The following HABP2 variants were observed in gnomAD, a reference collection of about 807,000 sequenced individuals.
HABP2 encodes the protein factor VII-activating protease.
A neutral mutation model predicts 66.5 loss-of-function variants in HABP2; 65 were observed. That is an observed-to-expected ratio of 0.98 (90% CI 0.80 to 1.20). HABP2 has a LOEUF of 1.20. HABP2 is among the 50% of genes most tolerant of loss of function. The pLI is 0.00. For missense variants in HABP2, 786 were observed against 691.0 expected (o/e 1.14, Z -1.54); for synonymous variants, 263 against 253.9 (o/e 1.04, Z -0.34).
chr10:113,568,499 A>G (rs1845241660), intron 2 of HABP2, among the ~76,000 whole-genome samples: 2 of 152,244 alleles, frequency 1.3e-5, no homozygotes, highest in South Asian at 2.1e-4. Flanking sequence ...CCAGGTGCTC[A>G]GAGGATATTT....
At chr10:113,586,477 G>GC (rs1564682175) in intron 12 of HABP2, among the ~76,000 whole-genome samples, 1 of 78,756 alleles carries the variant, frequency 1.3e-5, no homozygotes, top group East Asian at 4.1e-4. Context: ...TGTGTGTGTG[G>GC]GGGGGGGGGG....
intron 2 of HABP2, among the ~76,000 whole-genome samples, chr10:113,571,037 C>T (rs1367506684): frequency 6.6e-6 from 1 of 152,208 alleles, no homozygotes; most frequent in Non-Finnish European, 1.5e-5. Flanking sequence ...ATTCTTATCC[C>T]ATTAGCAATC....
chr10:113,565,371 G>A (rs1162742832), intron 1 of HABP2, among the ~76,000 whole-genome samples: 1 of 152,144 alleles, frequency 6.6e-6, no homozygotes, highest in Non-Finnish European at 1.5e-5. Context: ...CTGAGGACTG[G>A]AAAGTCCAGG....
chr10:113,574,834 C>T (rs1293206653), intron 3 of HABP2, among the ~76,000 whole-genome samples: 1 of 152,206 alleles, frequency 6.6e-6, no homozygotes, highest in African/African-American at 2.4e-5. Context: ...AGCTTTGGGA[C>T]TTTCCTTCCC....
Position 113,589,560 on chromosome 10 carries a change from A to T in HABP2, c.*1191A>T. 7.3e-7 allele frequency: 1 copy of T among 1,363,844 alleles called. No individual in the cohort carries two copies. Among genetic ancestry groups the T allele is most frequent in the Non-Finnish European group, 1.0e-6 (1 of 998,834 alleles). The allele number at this position is 1,363,844 out of a possible 1,614,324, so 84.5% of individuals were successfully genotyped here. A position where few individuals can be genotyped will look rare whatever the true frequency, so the allele number is the denominator to read the frequency against. On this transcript the variant is annotated 3_prime_UTR_variant, in exon 13 of 13. Transcript: ENST00000351270. ...TTTGAGCTGCGTTTCACACTTCTTT[A>T]GAGCTAGCTGACCTTTGGCCAAAAA...
chr10:113,583,217 A>G lies in HABP2; in HGVS notation c.1096A>G (p.Ile366Val), dbSNP rs769323267. The G allele has an allele frequency of 1.2e-6, 2 of 1,613,862 alleles. No individual in the cohort carries two copies. The highest frequency in any genetic ancestry group is 2.2e-5 in the South Asian group (2 of 91,000). ...TGACCATCTCATTTTCCCTTGCAGC[A>G]TAAAAACCAGACATCTAAAGGTGGT... ...WVLTAAHCTDIKTRHLKVVLG... is the reference protein window; with the variant it reads ...WVLTAAHCTDVKTRHLKVVLG... Residue 366 changes from isoleucine to valine, a missense_variant and splice_region_variant, in exon 10 of 13, where the codon ATA becomes GTA. By Grantham distance (29) the Ile-to-Val change is conservative (BLOSUM62 3). Transcript: ENST00000351270.
chr10:113,575,325 A>G (rs886412401), intron 3 of HABP2, among the ~76,000 whole-genome samples: 3 of 152,244 alleles, frequency 2.0e-5, no homozygotes, highest in African/African-American at 7.2e-5. Context: ...GAAATATGAC[A>G]AAATCTAACT....
chr10:113,570,064 C>A (rs1187908424), intron 2 of HABP2: 1 of 152,254 alleles, frequency 6.6e-6, no homozygotes, highest in Non-Finnish European at 1.5e-5. Flanking sequence ...ATGCATGCTA[C>A]TTCCTGAAAG....
chr10:113,554,567 C>G (rs1844956754), intron 1 of HABP2, among the ~76,000 whole-genome samples: 1 of 152,090 alleles, frequency 6.6e-6, no homozygotes, highest in Non-Finnish European at 1.5e-5. Flanking sequence ...TTGTCAAGCC[C>G]CTACATCATT....
At position 113,588,972 on chromosome 10, in the gene HABP2, G is replaced by A. The variant is rs1845751741; in HGVS notation, c.*603G>A. On this transcript the variant is annotated 3_prime_UTR_variant, in exon 13 of 13. Coordinates refer to ENST00000351270, the MANE Select transcript of HABP2 (RefSeq NM_004132.5). ...GCCTCTCAGGAATCAGGGTGGACAT[G>A]GCTCACAACAGCAGGGCCTTCTTCT... 6.2e-7 allele frequency: 1 copy of A among 1,610,496 alleles called. No individual in the cohort carries two copies.
At chr10:113,556,318 A>G (rs1296406792) in intron 1 of HABP2, among the ~76,000 whole-genome samples, 1 of 152,178 alleles carries the variant, frequency 6.6e-6, no homozygotes, top group East Asian at 1.9e-4. Flanking sequence ...CCCATTAAAG[A>G]TACAGATTCC....
At chr10:113,556,565 AT>A (rs1326752945) in intron 1 of HABP2, among the ~76,000 whole-genome samples, 1 of 152,012 alleles carries the variant, frequency 6.6e-6, no homozygotes, top group Non-Finnish European at 1.5e-5. Flanking sequence ...TTTTTTTTAA[AT>A]TAAGCGGGTG....
intron 2 of HABP2, among the ~76,000 whole-genome samples, chr10:113,573,504 T>A (rs1845352268): frequency 6.6e-6 from 1 of 152,216 alleles, no homozygotes; most frequent in Non-Finnish European, 1.5e-5. Context: ...GTGCTACAGT[T>A]GAGCTAGTGA....
At chr10:113,577,290 C>T (rs201014780) in intron 5 of HABP2, 24 bp downstream of exon 5, 73 of 1,195,646 alleles carry the variant, frequency 6.1e-5, no homozygotes, top group African/African-American at 2.2e-4. Flanking sequence ...GCCCCTTCGA[C>T]GCTAGACTTT....
At chr10:113,564,597 T>C (rs1473647975) in intron 1 of HABP2, among the ~76,000 whole-genome samples, 1 of 152,168 alleles carries the variant, frequency 6.6e-6, no homozygotes, top group African/African-American at 2.4e-5. Context: ...CGATAACAAA[T>C]GACCTCTCTT....
intron 11 of HABP2, 64 bp downstream of exon 11, chr10:113,584,346 A>C: frequency 7.2e-7 from 1 of 1,388,414 alleles, no homozygotes; most frequent in Non-Finnish European, 1.0e-6. Flanking sequence ...AGAAAGGCCA[A>C]ACTCAACTGC....
chr10:113,578,426 C>G (rs1434778902), intron 6 of HABP2, among the ~76,000 whole-genome samples: 2 of 152,198 alleles, frequency 1.3e-5, no homozygotes, highest in African/African-American at 2.4e-5. Flanking sequence ...CTCCCACACC[C>G]TACAACCACT....
At chr10:113,569,224 GA>G (rs11575671) in intron 2 of HABP2, among the ~76,000 whole-genome samples, 219 of 152,272 alleles carry the variant, frequency 1.4e-3, no homozygotes, top group Admixed American at 3.3e-3. Context: ...TAACCCTCAA[GA>G]AACTACCTTC....
rs145550399 is a variant in HABP2 at position 113,580,606 on chromosome 10, C to T, written c.752C>T (p.Ala251Val). ...GEHNFCRNPDADEKPWCFIKV... is the reference protein window; with the variant it reads ...GEHNFCRNPDVDEKPWCFIKV... ...GTTTTGTATTTTAGAAACCCAGATG[C>T]GGACGAAAAGCCCTGGTGCTTTATT... The change falls in exon 8 of 13, where the codon GCG (alanine) becomes GTG (valine). Residue 251 changes from alanine to valine, a missense_variant. Physicochemically the swap from Ala to Val is moderately conservative, Grantham distance 64. Coordinates refer to ENST00000351270, the MANE Select transcript of HABP2 (RefSeq NM_004132.5). 41 of 1,568,458 alleles carry T rather than the reference C, an allele frequency of 2.6e-5. No homozygotes were observed. The highest frequency in any genetic ancestry group is 2.4e-4 in the African/African-American group (18 of 73,988).
Sources: allele counts gnomAD v4.1 joint callset (sites outside exome capture counted in the v4.1 genomes callset), GRCh38; gene constraint gnomAD v4.1.1; transcripts MANE v1.5; gene names NCBI Gene and HGNC (gene_info 2026-07-23, HGNC 2026-07-21).